Variants in GPR63 observed in about 807,000 individuals in gnomAD.
The protein encoded by GPR63 is probable G protein-coupled receptor 63.
In GPR63, 12 loss-of-function variants were observed where a neutral mutation model predicts 23.1. The observed-to-expected ratio is 0.52, with a 90% CI of 0.33 to 0.84. The LOEUF (loss-of-function observed/expected upper bound fraction) is 0.84, where lower values mean the gene tolerates loss of function less well. Among genes scored for constraint, GPR63 ranks in the 40% least tolerant of loss-of-function variants. GPR63 has a pLI of 0.02. For synonymous variants in GPR63, 172 were observed against 191.1 expected (o/e 0.90, Z 0.82); for missense variants, 472 against 515.6 (o/e 0.92, Z 0.82).
rs1773556752 is a variant in GPR63 at position 96,795,430 on chromosome 6, C to T, written c.*3042G>A. 1 of 152,146 alleles carries T rather than the reference C, an allele frequency of 6.6e-6. No homozygotes were observed. Among genetic ancestry groups the T allele is most frequent in the South Asian group, 2.1e-4 (1 of 4,828 alleles). The allele number at this position is 152,146 out of a possible 1,614,324, so 9.4% of individuals were successfully genotyped here. On this transcript the variant is annotated 3_prime_UTR_variant, in exon 2 of 2. Coordinates refer to ENST00000229955, the MANE Select transcript of GPR63 (RefSeq NM_030784.4). ...TTTGCACCTACGTTTCTCAAAGGTGCTCCATAGTACTTATTTTTAAAGCTT... is the reference window on the plus strand; with the variant it reads ...TTTGCACCTACGTTTCTCAAAGGTGTTCCATAGTACTTATTTTTAAAGCTT...
Position 96,796,637 on chromosome 6 carries a change from C to T in GPR63, c.*1835G>A, listed in dbSNP as rs1444341101. 1.3e-5 allele frequency: 2 copies of T among 152,184 alleles called. No individual in the cohort carries two copies. The highest frequency in any genetic ancestry group is 4.8e-5 in the African/African-American group (2 of 41,434). 9.4% of individuals were successfully genotyped at this position (152,184 alleles called of 1,614,324 possible). ...CTAGGCTCAGACGAGGGTTCATTTT[C>T]CCTTCTTTGTAGGAGACACACATCT... is the stretch of plus-strand genomic sequence containing the variant. On this transcript the variant is annotated 3_prime_UTR_variant, in exon 2 of 2. Transcript: ENST00000229955.
rs563683853 is a variant in GPR63, at chr6:96,814,010, C to A, written c.-150-14129G>T. Among the ~76,000 whole-genome samples the A allele has an allele frequency of 9.9e-4, 150 of 151,744 alleles. 1 individual carries two copies. The highest frequency in any genetic ancestry group is 2.0e-3 in the Non-Finnish European group (135 of 67,918). On this transcript the variant is annotated intron_variant, in intron 1 of 1. Transcript: ENST00000229955. ...ATATAAAAAAATTACTATAAAAATG[C>A]AACAAAAAAGAAAACAATTGTAGTA...
chr6:96,836,834 A>T (rs553567355), intron 1 of GPR63, among the ~76,000 whole-genome samples: 5 of 152,252 alleles, frequency 3.3e-5, no homozygotes, highest in Admixed American at 6.5e-5. Context: ...GCCCTCAAGC[A>T]GCGAGACCAC....
rs1003723584 is a variant in GPR63, at chr6:96,809,375, C to A, written c.-150-9494G>T. 3.3e-5 allele frequency among the ~76,000 whole-genome samples: 5 copies of A among 152,226 alleles called. 1 individual carries two copies. Among genetic ancestry groups the A allele is most frequent in the East Asian group, 3.9e-4 (2 of 5,180 alleles). On this transcript the variant is annotated intron_variant, in intron 1 of 1. Transcript: ENST00000229955. ...ACAAATCTTGCAAAAGAGATAGGAG[C>A]ACCACATTACAACTTAGAAAGAAAC...
intron 1 of GPR63, among the ~76,000 whole-genome samples, chr6:96,823,178 T>C (rs765064819): frequency 6.6e-6 from 1 of 152,190 alleles, no homozygotes; most frequent in Non-Finnish European, 1.5e-5. Flanking sequence ...TTAATTTTTA[T>C]TTTAGAGTAC....
intron 1 of GPR63, among the ~76,000 whole-genome samples, chr6:96,823,451 C>T (rs1774360281): frequency 6.6e-6 from 1 of 151,848 alleles, no homozygotes; most frequent in South Asian, 2.1e-4. Context: ...GGCATATAGA[C>T]TAAAGATATA....
At position 96,798,062 on chromosome 6, in the gene GPR63, G is replaced by A. The variant is rs1773637785; in HGVS notation, c.*410C>T. ...TTGAGATGTTTGGCTCCAATGTGAT[G>A]GTAAAAGCAGCAGTGTCTTCCAGAA... On this transcript the variant is annotated 3_prime_UTR_variant, in exon 2 of 2. Transcript: ENST00000229955. 1 of 160,664 alleles carries A rather than the reference G, an allele frequency of 6.2e-6. No individual in the cohort carries two copies. Among genetic ancestry groups the A allele is most frequent in the African/African-American group, 2.4e-5 (1 of 41,480 alleles). 10.0% of individuals were successfully genotyped at this position (160,664 alleles called of 1,614,324 possible).
chr6:96,835,749 A>C (rs1045382418), intron 1 of GPR63, among the ~76,000 whole-genome samples: 3 of 152,102 alleles, frequency 2.0e-5, no homozygotes, highest in African/African-American at 7.2e-5. Flanking sequence ...AAGTGACAAA[A>C]CTGTACTTAG....
In GPR63 at chr6:96,798,345, T is replaced by C. The variant is rs1191806094; in HGVS notation, c.*127A>G. ...ACAGAACTATAATTACCATTCTTTC[T>C]TTACACTGCTCACACACATACATAC... On this transcript the variant is annotated 3_prime_UTR_variant, in exon 2 of 2. Coordinates refer to ENST00000229955, the MANE Select transcript of GPR63 (RefSeq NM_030784.4). 2 of 890,212 alleles carry C rather than the reference T, an allele frequency of 2.2e-6. No individual in the cohort carries two copies. Among genetic ancestry groups the C allele is most frequent in the Non-Finnish European group, 3.4e-6 (2 of 590,860 alleles). 55.1% of individuals were successfully genotyped at this position (890,212 alleles called of 1,614,324 possible). A position where few individuals can be genotyped will look rare whatever the true frequency, so the allele number is the denominator to read the frequency against.
intron 1 of GPR63, among the ~76,000 whole-genome samples, chr6:96,802,820 A>G (rs1027804289): frequency 1.3e-5 from 2 of 152,128 alleles, no homozygotes; most frequent in African/African-American, 4.8e-5. Flanking sequence ...TGACTTAAGA[A>G]ACCAGAACAG....
Position 96,799,622 on chromosome 6 carries a change from T to G in GPR63, c.110A>C (p.His37Pro), listed in dbSNP as rs1773705883. The G allele has an allele frequency of 6.2e-7, 1 of 1,614,140 alleles. No individual in the cohort carries two copies. The highest frequency in any genetic ancestry group is 2.2e-5 in the East Asian group (1 of 44,878). Residue 37 changes from histidine to proline, a missense_variant, in exon 2 of 2, where the codon CAT (histidine) becomes CCT (proline). Coordinates refer to ENST00000229955, the MANE Select transcript of GPR63 (RefSeq NM_030784.4). ...MNITLPPPFQ[H>P]PDLSPLLRYS... ...TCTAAGCAATGGACTGAGGTCAGGA[T>G]GCTGGAATGGTGGAGGGAGTGTAAT...
intron 1 of GPR63, among the ~76,000 whole-genome samples, chr6:96,830,633 G>C (rs941828648): frequency 9.9e-5 from 15 of 152,120 alleles, no homozygotes; most frequent in African/African-American, 3.6e-4. Context: ...AGCATATTTG[G>C]GAGTACATGC....
chr6:96,802,920 A>G (rs550875330), intron 1 of GPR63, among the ~76,000 whole-genome samples: 1 of 152,228 alleles, frequency 6.6e-6, no homozygotes, highest in South Asian at 2.1e-4. Context: ...CTGGATGCCA[A>G]TTACCACAGA....
chr6:96,809,564 T>C (rs935406987), intron 1 of GPR63, among the ~76,000 whole-genome samples: 1 of 152,126 alleles, frequency 6.6e-6, no homozygotes, highest in Non-Finnish European at 1.5e-5. Flanking sequence ...GTTCACTAAG[T>C]ATGTTCTCTT....
intron 1 of GPR63, among the ~76,000 whole-genome samples, chr6:96,804,938 A>C (rs1773858802): frequency 6.6e-6 from 1 of 152,220 alleles, no homozygotes; most frequent in East Asian, 1.9e-4. Context: ...TAGAAATCCT[A>C]AAATTAATAA....
intron 1 of GPR63, among the ~76,000 whole-genome samples, chr6:96,828,088 C>A (rs1331974972): frequency 6.6e-6 from 1 of 152,094 alleles, no homozygotes; most frequent in Non-Finnish European, 1.5e-5. Flanking sequence ...AAGAGTTAAA[C>A]AATTCCTAAG....
chr6:96,817,745 T>C (rs1774200216), intron 1 of GPR63, among the ~76,000 whole-genome samples: 1 of 152,080 alleles, frequency 6.6e-6, no homozygotes, highest in African/African-American at 2.4e-5. Context: ...CAAATATGTA[T>C]ATACAATATT....
At chr6:96,837,075 C>A (rs1774750469) in intron 1 of GPR63, among the ~76,000 whole-genome samples, 193 bp downstream of exon 1, 1 of 152,182 alleles carries the variant, frequency 6.6e-6, no homozygotes, top group Non-Finnish European at 1.5e-5. Flanking sequence ...TAACTCCAGT[C>A]CAGCTGCAAA....
At chr6:96,827,620 G>A (rs1388924901) in intron 1 of GPR63, among the ~76,000 whole-genome samples, 2 of 152,052 alleles carry the variant, frequency 1.3e-5, no homozygotes, top group Non-Finnish European at 2.9e-5. Flanking sequence ...GAGAAAGAGA[G>A]TATCTTCAAA....
Sources: allele counts gnomAD v4.1 joint callset (sites outside exome capture counted in the v4.1 genomes callset), GRCh38; gene constraint gnomAD v4.1.1; transcripts MANE v1.5; gene names NCBI Gene and HGNC (gene_info 2026-07-23, HGNC 2026-07-21).